WWOX: variants seen among roughly 807,000 people sequenced by gnomAD.
WWOX encodes the protein WW domain containing oxidoreductase.
WWOX carries 69 observed loss-of-function variants against 46.2 expected under a neutral mutation model. The observed-to-expected ratio is 1.49, with a 90% confidence interval of 1.23 to 1.82. The LOEUF (loss-of-function observed/expected upper bound fraction) is 1.82, where lower values mean the gene tolerates loss of function less well. WWOX is among the 40% of genes most tolerant of loss of function. The pLI is 0.00. For missense variants in WWOX, 919 were observed against 542.6 expected (o/e 1.69, Z -6.89); for synonymous variants, 359 against 202.6 (o/e 1.77, Z -6.56).
intron 8 of WWOX, among the ~76,000 whole-genome samples, chr16:78,445,036 T>G (rs1306754787): frequency 6.6e-6 from 1 of 152,058 alleles, no homozygotes; most frequent in Non-Finnish European, 1.5e-5. Context: ...TAAAACTTGT[T>G]GCTGCATCTC....
chr16:79,080,303 A>G (rs559067731), intron 8 of WWOX, among the ~76,000 whole-genome samples: 1 of 152,252 alleles, frequency 6.6e-6, no homozygotes, highest in Admixed American at 6.5e-5. Context: ...TTCTCTGTAC[A>G]TCTGGTTCAA....
chr16:79,009,117 C>G (rs1367850288), intron 8 of WWOX, among the ~76,000 whole-genome samples: 1 of 152,222 alleles, frequency 6.6e-6, no homozygotes, highest in African/African-American at 2.4e-5. Context: ...GCCTCCTGCC[C>G]TTCCAGGCTT....
intron 8 of WWOX, among the ~76,000 whole-genome samples, chr16:78,990,569 GC>G (rs2046867164): frequency 6.6e-6 from 1 of 152,168 alleles, no homozygotes; most frequent in Non-Finnish European, 1.5e-5. Flanking sequence ...AGCCCCCAAA[GC>G]CCCAGGGTAA....
At chr16:78,222,170 T>A (rs2036909237) in intron 5 of WWOX, among the ~76,000 whole-genome samples, 2 of 152,058 alleles carry the variant, frequency 1.3e-5, no homozygotes, top group East Asian at 3.9e-4. Flanking sequence ...ATTGTGAAGA[T>A]GGCCGCTGGA....
At position 78,109,769 on chromosome 16, in the gene WWOX, G is replaced by A. The variant is rs768579025; in HGVS notation, c.173-9G>A. 3 of 1,614,018 alleles carry A rather than the reference G, an allele frequency of 1.9e-6. No homozygotes were observed. The African/African-American group carries it at 4.0e-5, about 22-fold the overall frequency. Reference sequence around the variant, plus strand: ...TGGCACCTGTAGACCTGTCTTTCTTGTGTTTCAGATTTGCCATACGGATGG... The same window carrying A: ...TGGCACCTGTAGACCTGTCTTTCTTATGTTTCAGATTTGCCATACGGATGG... On this transcript the variant is annotated splice_polypyrimidine_tract_variant and intron_variant, in intron 2 of 8. Coordinates refer to ENST00000566780, the MANE Select transcript of WWOX (RefSeq NM_016373.4).
chr16:79,107,100 C>T lies in WWOX; in HGVS notation c.1057-104508C>T, dbSNP rs555135907. ...TGCTGGGATTACAGGCATGGGCCAC[C>T]GCTCCCAGCCTTTAACTTTTTGTAG... On this transcript the variant is annotated intron_variant, in intron 8 of 8. Coordinates refer to ENST00000566780, the MANE Select transcript of WWOX (RefSeq NM_016373.4). Among the ~76,000 whole-genome samples, 66 of 152,218 alleles carry T rather than the reference C, an allele frequency of 4.3e-4. No individual in the cohort carries two copies. The South Asian group carries it at 4.6e-3, about 11-fold the overall frequency.
At chr16:79,073,078 C>G (rs1348534004) in intron 8 of WWOX, among the ~76,000 whole-genome samples, 2 of 151,850 alleles carry the variant, frequency 1.3e-5, no homozygotes, top group East Asian at 1.9e-4. Flanking sequence ...TATTCATTTC[C>G]TTTATCTAGA....
intron 8 of WWOX, among the ~76,000 whole-genome samples, chr16:78,868,911 CT>C (rs1567614908): frequency 6.6e-6 from 1 of 152,106 alleles, no homozygotes; most frequent in Non-Finnish European, 1.5e-5. Flanking sequence ...CTTTTCCCCC[CT>C]TTTTCCATTA....
At chr16:78,519,739 C>T (rs1158581324) in intron 8 of WWOX, among the ~76,000 whole-genome samples, 1 of 152,030 alleles carries the variant, frequency 6.6e-6, no homozygotes, top group Non-Finnish European at 1.5e-5. Context: ...ATCCATTTTA[C>T]CATGTGAGGA....
chr16:78,422,782 TATACAC>T (rs1308824594), intron 6 of WWOX, among the ~76,000 whole-genome samples: 4 of 117,580 alleles, frequency 3.4e-5, no homozygotes, highest in South Asian at 2.8e-4. Flanking sequence ...CACATATATA[TATACAC>T]ACACACATAT....
At chr16:78,212,693 A>T (rs1001555575) in intron 5 of WWOX, among the ~76,000 whole-genome samples, 1 of 152,156 alleles carries the variant, frequency 6.6e-6, no homozygotes, top group Non-Finnish European at 1.5e-5. Flanking sequence ...TAGGATAGAT[A>T]TTGCCCCTTG....
intron 5 of WWOX, among the ~76,000 whole-genome samples, chr16:78,318,697 C>T (rs781318499): frequency 1.3e-5 from 2 of 152,170 alleles, no homozygotes; most frequent in Non-Finnish European, 2.9e-5. Context: ...CTGTACTGTA[C>T]ATACATAATT....
chr16:79,013,310 C>T (rs990220832), intron 8 of WWOX, among the ~76,000 whole-genome samples: 1 of 152,148 alleles, frequency 6.6e-6, no homozygotes, highest in East Asian at 1.9e-4. Context: ...TCTGATCTGC[C>T]AGCAGGCTGT....
intron 8 of WWOX, among the ~76,000 whole-genome samples, chr16:78,573,550 C>T (rs768273898): frequency 3.3e-5 from 5 of 152,204 alleles, no homozygotes; most frequent in African/African-American, 1.2e-4. Context: ...CATTCAGTGG[C>T]TCCCTGGGCC....
chr16:78,625,845 C>T (rs2046299404), intron 8 of WWOX, among the ~76,000 whole-genome samples: 1 of 144,696 alleles, frequency 6.9e-6, no homozygotes, highest in Admixed American at 6.8e-5. Context: ...CGGTTTTTGC[C>T]GTTACTTAAA....
At chr16:78,153,507 A>T (rs1305886867) in intron 4 of WWOX, among the ~76,000 whole-genome samples, 1 of 152,154 alleles carries the variant, frequency 6.6e-6, no homozygotes, top group Non-Finnish European at 1.5e-5. Flanking sequence ...TGCTTTATGC[A>T]TAATGGCAGA....
intron 4 of WWOX, among the ~76,000 whole-genome samples, chr16:78,148,985 A>G (rs11644853): frequency 0.2 from 28,504 of 145,672 alleles, 2,664 homozygotes; most frequent in East Asian, 0.23. Context: ...TTTTATTGGT[A>G]GAGGGTCTTT....
chr16:79,014,597 AC>A (rs1484266906), intron 8 of WWOX, among the ~76,000 whole-genome samples: 4 of 152,170 alleles, frequency 2.6e-5, no homozygotes, highest in Admixed American at 1.3e-4. Context: ...ACTCCTAGCC[AC>A]TGCTTTTTGA....
chr16:79,136,508 C>T (rs900916377), intron 8 of WWOX, among the ~76,000 whole-genome samples: 2 of 152,114 alleles, frequency 1.3e-5, no homozygotes, highest in African/African-American at 4.8e-5. Flanking sequence ...GGATTACAGG[C>T]GTGAGCTACC....
Sources: gnomAD v4.1 joint callset for allele counts (sites outside exome capture counted in the v4.1 genomes callset) on GRCh38, gnomAD v4.1.1 for gene constraint, MANE v1.5 for transcripts, NCBI Gene and HGNC (gene_info 2026-07-23, HGNC 2026-07-21) for gene names.